The following RIMS2 variants were observed in gnomAD, a reference collection of about 807,000 sequenced individuals.
The protein encoded by RIMS2 is regulating synaptic membrane exocytosis 2.
A neutral mutation model predicts 174.4 loss-of-function variants in RIMS2; 59 were observed. That is an observed-to-expected ratio of 0.34 (90% CI 0.27 to 0.42). The LOEUF (loss-of-function observed/expected upper bound fraction) is 0.42. Among genes scored for constraint, RIMS2 ranks in the 10% least tolerant of loss-of-function variants. The pLI is 1.00. For missense variants in RIMS2, 1,620 were observed against 1,666.3 expected, an observed-to-expected ratio of 0.97 and a Z score of 0.48; for synonymous variants, 606 against 572.5, an observed-to-expected ratio of 1.06 and a Z score of -0.84.
intron 19 of RIMS2, chr8:104,223,355 A>G (rs1476598729): frequency 3.8e-5 from 44 of 1,147,748 alleles, no homozygotes; most frequent in Non-Finnish European, 4.4e-5. Flanking sequence ...TCCAGCCTCC[A>G]GGATTCTCAG....
chr8:103,689,093 T>C (rs1307636528), intron 1 of RIMS2, among the ~76,000 whole-genome samples: 3 of 152,148 alleles, frequency 2.0e-5, no homozygotes, highest in African/African-American at 7.2e-5. Context: ...ACTTGCATTT[T>C]AATTTCTTCT....
chr8:103,629,363 A>G (rs2095859895), intron 1 of RIMS2, among the ~76,000 whole-genome samples: 1 of 152,248 alleles, frequency 6.6e-6, no homozygotes, highest in African/African-American at 2.4e-5. Flanking sequence ...CAAACGCTTT[A>G]AGAACTCAGC....
At chr8:103,701,552 C>G (rs2097167965) in intron 2 of RIMS2, among the ~76,000 whole-genome samples, 1 of 152,008 alleles carries the variant, frequency 6.6e-6, no homozygotes, top group South Asian at 2.1e-4. Flanking sequence ...TTTTTGTACC[C>G]ATTAACCAAC....
chr8:103,876,967 C>T (rs1442095472), intron 3 of RIMS2, among the ~76,000 whole-genome samples: 3 of 130,102 alleles, frequency 2.3e-5, no homozygotes, highest in East Asian at 2.3e-4. Flanking sequence ...GATTGATGGG[C>T]ATTTGGGCTG....
chr8:104,232,373 TA>T (rs562331288), intron 19 of RIMS2, among the ~76,000 whole-genome samples: 3 of 152,228 alleles, frequency 2.0e-5, no homozygotes, highest in Non-Finnish European at 4.4e-5. Flanking sequence ...ACTAGCAACA[TA>T]TTTTTCTATC....
intron 3 of RIMS2, among the ~76,000 whole-genome samples, chr8:103,867,659 A>G (rs2099090221): frequency 6.6e-6 from 1 of 151,998 alleles, no homozygotes; most frequent in Non-Finnish European, 1.5e-5. Flanking sequence ...CTGTGCTGTG[A>G]GATAATAATA....
At chr8:103,630,202 G>A (rs2095877952) in intron 1 of RIMS2, among the ~76,000 whole-genome samples, 1 of 151,464 alleles carries the variant, frequency 6.6e-6, no homozygotes. Context: ...TAACATAGGA[G>A]TAATAATAGT....
intron 19 of RIMS2, among the ~76,000 whole-genome samples, chr8:104,165,900 T>G (rs2098793882): frequency 6.6e-6 from 1 of 152,106 alleles, no homozygotes; most frequent in Non-Finnish European, 1.5e-5. Flanking sequence ...ATGGAAAATT[T>G]AAAAATTACA....
At chr8:103,635,428 T>C (rs908466950) in intron 1 of RIMS2, among the ~76,000 whole-genome samples, 1 of 151,880 alleles carries the variant, frequency 6.6e-6, no homozygotes, top group Non-Finnish European at 1.5e-5. Flanking sequence ...TGAGGAGATA[T>C]GGGAATGGGC....
At chr8:103,586,931 G>T (rs974040864) in intron 1 of RIMS2, among the ~76,000 whole-genome samples, 1 of 151,980 alleles carries the variant, frequency 6.6e-6, no homozygotes, top group Non-Finnish European at 1.5e-5. Context: ...GATATTTAAA[G>T]AATCATTAGT....
At chr8:104,044,175 T>A (rs2154557971) in intron 19 of RIMS2, among the ~76,000 whole-genome samples, 1 of 151,666 alleles carries the variant, frequency 6.6e-6, no homozygotes, top group East Asian at 1.9e-4. Flanking sequence ...ATATTGTATT[T>A]AAGTAAAAGC....
At chr8:104,216,983 C>T (rs1199865747) in intron 19 of RIMS2, among the ~76,000 whole-genome samples, 1 of 152,110 alleles carries the variant, frequency 6.6e-6, no homozygotes, top group Non-Finnish European at 1.5e-5. Flanking sequence ...ACTAAAGTAA[C>T]CTATTATCAT....
At chr8:103,992,055 C>A (rs376652874) in intron 17 of RIMS2, among the ~76,000 whole-genome samples, 2 of 151,944 alleles carry the variant, frequency 1.3e-5, no homozygotes, top group South Asian at 2.1e-4. Flanking sequence ...GCTTAGTAAA[C>A]AAGAAAAAAA....
chr8:104,093,897 GTA>G (rs2097707555), intron 19 of RIMS2, among the ~76,000 whole-genome samples: 1 of 151,692 alleles, frequency 6.6e-6, no homozygotes, highest in Non-Finnish European at 1.5e-5. Context: ...TTTCATGTTT[GTA>G]ATTTAAAAAT....
chr8:104,215,164 A>G (rs544762229), intron 19 of RIMS2, among the ~76,000 whole-genome samples: 1 of 152,344 alleles, frequency 6.6e-6, no homozygotes, highest in Admixed American at 6.5e-5. Flanking sequence ...CAAATTTTCT[A>G]TTTTTATGTC....
intron 1 of RIMS2, among the ~76,000 whole-genome samples, chr8:103,666,430 C>T (rs1195535042): frequency 6.6e-6 from 1 of 152,106 alleles, no homozygotes; most frequent in Non-Finnish European, 1.5e-5. Context: ...TATGCGTTGA[C>T]ATCATTCTTT....
In RIMS2 at chr8:103,918,424, T is replaced by C. The variant is rs2077009249; in HGVS notation, c.2037-17T>C. On this transcript the variant is annotated splice_polypyrimidine_tract_variant and intron_variant, in intron 8 of 23. Coordinates refer to ENST00000504942, the Ensembl canonical transcript of RIMS2. ...TGAAACAGTTTCTGTCTTTCTTTTT[T>C]TTTTTAATCATTTCAGAGATATACC... 6.6e-7 allele frequency: 1 copy of C among 1,523,948 alleles called. No individual in the cohort carries two copies. Among genetic ancestry groups the C allele is most frequent in the Non-Finnish European group, 8.9e-7 (1 of 1,128,836 alleles). The allele number at this position is 1,523,948 out of a possible 1,614,324, so 94.4% of individuals were successfully genotyped here.
intron 3 of RIMS2, among the ~76,000 whole-genome samples, chr8:103,857,882 GTGACTCCATTC>G (rs2154495723): frequency 6.6e-6 from 1 of 152,264 alleles, no homozygotes; most frequent in East Asian, 1.9e-4. Flanking sequence ...AGGTAGCCTT[GTGACTCCATTC>G]TGGACAAAGA....
intron 19 of RIMS2, among the ~76,000 whole-genome samples, chr8:104,166,275 C>T (rs1194556243): frequency 1.3e-5 from 2 of 151,330 alleles, no homozygotes; most frequent in African/African-American, 4.8e-5. Flanking sequence ...ACTGTGTTAG[C>T]CAGGATGGTC....
Sources: allele counts gnomAD v4.1 joint callset (sites outside exome capture counted in the v4.1 genomes callset), GRCh38; gene constraint gnomAD v4.1.1; transcripts MANE v1.5; gene names NCBI Gene and HGNC (gene_info 2026-07-23, HGNC 2026-07-21).